GNAL: variants seen among roughly 807,000 people sequenced by gnomAD.
The protein encoded by GNAL is guanine nucleotide-binding protein G(olf) subunit alpha.
Under a neutral mutation model 55.1 loss-of-function variants are expected in GNAL, and 18 were observed. The ratio of observed to expected loss-of-function variants is 0.33; its 90% CI spans 0.23 to 0.48. The LOEUF (loss-of-function observed/expected upper bound fraction) is 0.48. Among genes scored for constraint, GNAL ranks in the 20% least tolerant of loss-of-function variants. The pLI, the probability that GNAL is intolerant of heterozygous loss-of-function variation, is 0.99. For missense variants in GNAL, 412 were observed against 614.1 expected (o/e 0.67, Z 3.48); for synonymous variants, 253 against 237.0 (o/e 1.07, Z -0.62).
chr18:11,862,256 A>C (rs1418812709), intron 5 of GNAL, 139 bp from the exon 6 acceptor site: 1 of 597,628 alleles, frequency 1.7e-6, no homozygotes, highest in African/African-American at 1.8e-5. Flanking sequence ...AAATTCAGGA[A>C]ACAAAGTAAG....
At chr18:11,861,355 C>G (rs961431081) in intron 5 of GNAL, among the ~76,000 whole-genome samples, 1 of 152,120 alleles carries the variant, frequency 6.6e-6, no homozygotes, top group Non-Finnish European at 1.5e-5. Flanking sequence ...TTGTTGGTCC[C>G]CGAGGGACCC....
At position 11,689,791 on chromosome 18, in the gene GNAL, G is replaced by A. The variant is rs1042590918; in HGVS notation, c.228G>A (p.Gln76=). 2 of 1,534,788 alleles carry A rather than the reference G, an allele frequency of 1.3e-6. No individual in the cohort carries two copies. Among genetic ancestry groups the A allele is most frequent in the African/African-American group, 2.8e-5 (2 of 70,384 alleles). The change falls in exon 1 of 12, where the codon CAG becomes CAA. Residue 76 remains glutamine (Q), a synonymous_variant. Coordinates refer to ENST00000334049, the MANE Select transcript of GNAL (RefSeq NM_182978.4). ...PKADKPKEKR[Q]RTEQLSAEER... ...CAGACAAGCCGAAGGAGAAGCGGCA[G>A]CGCACCGAGCAGCTGAGTGCCGAGG...
chr18:11,745,922 C>A, intron 1 of GNAL: 1 of 215,608 alleles, frequency 4.6e-6, no homozygotes, highest in Non-Finnish European at 9.6e-6. Flanking sequence ...AGGGATTGAG[C>A]AAACAGTTTG....
chr18:11,746,633 A>T, intron 1 of GNAL: 1 of 247,422 alleles, frequency 4.0e-6, no homozygotes, highest in Non-Finnish European at 8.0e-6. Context: ...AAGAAGAAGG[A>T]GAGGGAGAAA....
rs1214853604 is a variant in GNAL at position 11,762,498 on chromosome 18, G to T, written c.624+8553G>T. The stretch of plus-strand genomic sequence containing the variant: ...TAAGGCTACATTTAAGGAAGTTCTT[G>T]GGGCCACCTGGGGACACCCATGCAG... On this transcript the variant is annotated intron_variant, in intron 4 of 11. Coordinates refer to ENST00000334049, the MANE Select transcript of GNAL (RefSeq NM_182978.4). Among the ~76,000 whole-genome samples, 5 of 152,290 alleles carry T rather than the reference G, an allele frequency of 3.3e-5. No homozygotes were observed. In the South Asian group the frequency reaches 6.2e-4, roughly 19 times the overall value.
At chr18:11,724,575 G>A (rs189027267) in intron 1 of GNAL, among the ~76,000 whole-genome samples, 61 of 152,340 alleles carry the variant, frequency 4.0e-4, no homozygotes, top group African/African-American at 1.4e-3. Flanking sequence ...TTCCAGTGAG[G>A]CTGTAGGTGC....
intron 4 of GNAL, among the ~76,000 whole-genome samples, chr18:11,790,335 A>G (rs911608910): frequency 6.6e-6 from 1 of 151,844 alleles, no homozygotes; most frequent in African/African-American, 2.4e-5. Context: ...ACTCTGAGGA[A>G]GAAATTCTCC....
intron 10 of GNAL, chr18:11,874,096 C>G (rs1204556473): frequency 3.9e-5 from 6 of 152,472 alleles, no homozygotes; most frequent in Admixed American, 3.9e-4. Context: ...CCAAGGCCAC[C>G]TGCCCAGCCG....
Position 11,881,167 on chromosome 18 carries a change from G to A in GNAL, c.*32G>A, listed in dbSNP as rs568267032. 2.1e-5 allele frequency: 33 copies of A among 1,567,594 alleles called. No individual in the cohort carries two copies. The highest frequency in any genetic ancestry group is 1.4e-4 in the Admixed American group (8 of 55,554). On this transcript the variant is annotated 3_prime_UTR_variant, in exon 12 of 12. Transcript: ENST00000334049. The surrounding 1 kb of genome is among the most constrained non-coding windows in gnomAD (Gnocchi z 4.8). The stretch of plus-strand genomic sequence containing the variant: ...TGCCGCCACCCTGCGACGGAGCGGC[G>A]CCCCGGACTGCCTGACTGCCAGCCC...
intron 4 of GNAL, among the ~76,000 whole-genome samples, chr18:11,811,744 G>A (rs2034823318): frequency 6.6e-6 from 1 of 152,142 alleles, no homozygotes; most frequent in Non-Finnish European, 1.5e-5. Context: ...CCCCAAAAAA[G>A]GAATCTCCTT....
chr18:11,791,154 G>A (rs1222717229), intron 4 of GNAL, among the ~76,000 whole-genome samples: 1 of 152,112 alleles, frequency 6.6e-6, no homozygotes. Context: ...ATGTCCTTTC[G>A]GCATGGTGGT....
intron 1 of GNAL, among the ~76,000 whole-genome samples, chr18:11,733,245 TC>T (rs953763046): frequency 1.6e-4 from 25 of 152,362 alleles, no homozygotes; most frequent in African/African-American, 5.5e-4. Flanking sequence ...TGTGGGCCTC[TC>T]GTGCTGTGTC....
At chr18:11,706,450 T>G (rs1482841204) in intron 1 of GNAL, among the ~76,000 whole-genome samples, 2 of 152,192 alleles carry the variant, frequency 1.3e-5, no homozygotes, top group African/African-American at 4.8e-5. Context: ...TGCTGACTGA[T>G]CAGGGCGGTT....
At chr18:11,861,702 A>G (rs993403671) in intron 5 of GNAL, among the ~76,000 whole-genome samples, 12 of 152,178 alleles carry the variant, frequency 7.9e-5, no homozygotes, top group African/African-American at 2.9e-4. Flanking sequence ...CGGAAGGGTC[A>G]TCACCCAAGA....
Position 11,884,456 on chromosome 18 carries a change from T to TA in GNAL, c.*3322dup, listed in dbSNP as rs768238503. 7 of 1,613,934 alleles carry TA rather than the reference T, an allele frequency of 4.3e-6. No individual in the cohort carries two copies. The Admixed American group carries it at 6.7e-5, about 15-fold the overall frequency. ...ATGGCGCCTGCTCTTCATCTTGTCT[T>TA]ACGCTTTCCGAGCAAGTTCAAACCA... On this transcript the variant is annotated 3_prime_UTR_variant, in exon 12 of 12. Transcript: ENST00000334049.
chr18:11,845,499 G>C (rs577322117), intron 5 of GNAL, among the ~76,000 whole-genome samples: 1 of 152,110 alleles, frequency 6.6e-6, no homozygotes, highest in East Asian at 1.9e-4. Context: ...ATTGGAAAGA[G>C]GAATATATCG....
chr18:11,773,641 G>A lies in GNAL; in HGVS notation c.624+19696G>A, dbSNP rs187764437. Among the ~76,000 whole-genome samples, 12 of 152,144 alleles carry A rather than the reference G, an allele frequency of 7.9e-5. No individual in the cohort carries two copies. In the East Asian group the frequency reaches 1.2e-3, roughly 15 times the overall value. ...TTGTATAAAAATAAAAAAAATAGCC[G>A]GGCATGGTGTTGTATGCCTGTGGTC... On this transcript the variant is annotated intron_variant, in intron 4 of 11. Coordinates refer to ENST00000334049, the MANE Select transcript of GNAL (RefSeq NM_182978.4).
At chr18:11,743,412 G>A (rs1034753752) in intron 1 of GNAL, among the ~76,000 whole-genome samples, 4 of 151,990 alleles carry the variant, frequency 2.6e-5, no homozygotes, top group East Asian at 1.9e-4. Flanking sequence ...TGTGGAGTCC[G>A]ACTCACTTTA....
At chr18:11,855,978 A>C (rs1026999454) in intron 5 of GNAL, among the ~76,000 whole-genome samples, 9 of 151,228 alleles carry the variant, frequency 6.0e-5, no homozygotes, top group African/African-American at 2.0e-4. Flanking sequence ...ATCTCAAAAA[A>C]AAAAAAGTGC....
Sources: gnomAD v4.1 joint callset for allele counts (sites outside exome capture counted in the v4.1 genomes callset) on GRCh38, gnomAD v4.1.1 for gene constraint, Gnocchi (gnomAD v3.1) non-coding constraint, MANE v1.5 for transcripts, NCBI Gene and HGNC (gene_info 2026-07-23, HGNC 2026-07-21) for gene names.